The following ATG4D variants were observed in gnomAD, a reference collection of about 807,000 sequenced individuals.
The protein encoded by ATG4D is cysteine protease ATG4D.
Under a neutral mutation model 55.2 loss-of-function variants are expected in ATG4D, and 51 were observed. The observed-to-expected ratio is 0.92, with a 90% CI of 0.74 to 1.17. The LOEUF (loss-of-function observed/expected upper bound fraction) is 1.17, where lower values mean the gene tolerates loss of function less well. Among genes scored for constraint, ATG4D ranks in the 50% most tolerant of loss-of-function variants. The probability of loss-of-function intolerance (pLI) is 0.00; values close to 1 mark genes in which losing one functional copy is unlikely to be tolerated. For missense variants in ATG4D, 635 were observed against 649.6 expected, an observed-to-expected ratio of 0.98 and a Z score of 0.25; for synonymous variants, 268 against 266.2, an observed-to-expected ratio of 1.01 and a Z score of -0.07.
chr19:10,552,580 T>C (rs75523935), intron 9 of ATG4D, among the ~76,000 whole-genome samples: 4,043 of 152,326 alleles, frequency 0.027, 68 homozygotes, highest in Non-Finnish European at 0.045. Context: ...TTGGCCCTGC[T>C]GTCCGACCAG....
chr19:10,551,966 G>A lies in ATG4D; in HGVS notation c.1036G>A (p.Gly346Ser), dbSNP rs771520070. 5 of 1,612,882 alleles carry A rather than the reference G, an allele frequency of 3.1e-6. No homozygotes were observed. The highest frequency in any genetic ancestry group is 4.2e-6 in the Non-Finnish European group (5 of 1,179,734). Residue 346 changes from glycine (G) to serine (S), a missense_variant, in exon 7 of 10, where the codon GGC becomes AGC. Gly to Ser is a moderately conservative substitution (Grantham distance 56, BLOSUM62 0). Transcript: ENST00000309469. The stretch of plus-strand genomic sequence containing the variant: ...ACCGCGACACTCACTGTACTTCATT[G>A]GCTACCAAGGTAGGCCCACCCCCTC... ...GKPRHSLYFI[G>S]YQDDFLLYLD... is the part of the protein sequence containing the mutation.
At position 10,553,116 on chromosome 19, in the gene ATG4D, T is replaced by C. The variant is rs1353073512; in HGVS notation, c.*49T>C. On this transcript the variant is annotated 3_prime_UTR_variant, in exon 10 of 10. Coordinates refer to ENST00000309469, the MANE Select transcript of ATG4D (RefSeq NM_032885.6). ...ACAACACTATTTATTTTTTTATTTA[T>C]GTCATGTCGGGTGTGGGATCTTGAG... The C allele has an allele frequency of 6.6e-7, 1 of 1,523,018 alleles. No homozygotes were observed. The highest frequency in any genetic ancestry group is 1.4e-5 in the African/African-American group (1 of 72,450). 94.3% of individuals were successfully genotyped at this position (1,523,018 alleles called of 1,614,324 possible).
In ATG4D at chr19:10,551,946, G is replaced by T; in HGVS notation, c.1016G>T (p.Arg339Leu). Reference sequence around the variant, plus strand: ...CTGGGCATCATGGGTGGGAAACCGCGACACTCACTGTACTTCATTGGCTAC... The same window carrying T: ...CTGGGCATCATGGGTGGGAAACCGCTACACTCACTGTACTTCATTGGCTAC... The part of the protein sequence containing the change: ...LCLGIMGGKP[R>L]HSLYFIGYQD... Residue 339 changes from arginine (R) to leucine (L), a missense_variant, in exon 7 of 10, where the codon CGA (arginine) becomes CTA (leucine). Coordinates refer to ENST00000309469, the MANE Select transcript of ATG4D (RefSeq NM_032885.6). 6.2e-7 allele frequency: 1 copy of T among 1,613,738 alleles called. No individual in the cohort carries two copies. The highest frequency in any genetic ancestry group is 8.5e-7 in the Non-Finnish European group (1 of 1,179,964).
rs373529527 is a variant in ATG4D, at chr19:10,552,913, G to T, written c.1271G>T (p.Arg424Leu). The T allele has an allele frequency of 1.2e-6, 2 of 1,612,768 alleles. No homozygotes were observed. Among genetic ancestry groups the T allele is most frequent in the Non-Finnish European group, 1.7e-6 (2 of 1,179,672 alleles). ...RVLSSSSATE[R>L]YPMFTLAEGH... ...CTCAGCTCCTCCTCAGCCACAGAGC[G>T]GTACCCCATGTTCACCCTGGCCGAG... The change falls in exon 10 of 10, where the codon CGG becomes CTG. Residue 424 changes from arginine to leucine, a missense_variant. Arg to Leu is a moderately radical substitution (Grantham distance 102). Coordinates refer to ENST00000309469, the MANE Select transcript of ATG4D (RefSeq NM_032885.6).
Position 10,544,248 on chromosome 19 carries a change from G to C in ATG4D, c.158G>C (p.Gly53Ala). ...GASGPALGSP[G>A]AGPSEPDEVD... ...AGCGGCCCCGCTCTTGGCTCTCCCG[G>C]GGCTGGCCCGAGTGAGCCGGACGAA... is the stretch of plus-strand genomic sequence containing the variant. The change falls in exon 1 of 10, where the codon GGG (glycine) becomes GCG (alanine). Residue 53 changes from glycine (G) to alanine (A), a missense_variant. Coordinates refer to ENST00000309469, the MANE Select transcript of ATG4D (RefSeq NM_032885.6). 1 of 1,263,512 alleles carries C rather than the reference G, an allele frequency of 7.9e-7. No individual in the cohort carries two copies. 78.3% of individuals were successfully genotyped at this position (1,263,512 alleles called of 1,614,324 possible). A position where few individuals can be genotyped will look rare whatever the true frequency, so the allele number is the denominator to read the frequency against.
chr19:10,550,480 T>C (rs1170890018), intron 6 of ATG4D, among the ~76,000 whole-genome samples: 1 of 152,078 alleles, frequency 6.6e-6, no homozygotes, highest in Non-Finnish European at 1.5e-5. Flanking sequence ...CCTATGTATT[T>C]GCATCCGAAT....
Position 10,552,872 on chromosome 19 carries a change from C to G in ATG4D, c.1243-13C>G, listed in dbSNP as rs1304510365. The G allele has an allele frequency of 1.3e-5, 20 of 1,594,306 alleles. No individual in the cohort carries two copies. Among genetic ancestry groups the G allele is most frequent in the Non-Finnish European group, 1.6e-5 (19 of 1,171,914 alleles). ...ACTGTTTGTGGCTGACCCTGTCTCC[C>G]TCTTCCCGCCAGGTCCTCAGCTCCT... On this transcript the variant is annotated splice_polypyrimidine_tract_variant and intron_variant, in intron 9 of 9. Coordinates refer to ENST00000309469, the MANE Select transcript of ATG4D (RefSeq NM_032885.6).
chr19:10,551,156 C>T (rs1439488279), intron 6 of ATG4D: 1 of 152,290 alleles, frequency 6.6e-6, no homozygotes, highest in African/African-American at 2.4e-5. Flanking sequence ...ATAGTTATCA[C>T]CTCTAACACA....
Position 10,543,924 on chromosome 19 carries a change from C to T in ATG4D, c.-167C>T, listed in dbSNP as rs957580453. ...CCGGGGTCCTGGCCCGCTAAGATGG[C>T]GATGGCTGCGGTAGCAGCGGCGGCG... On this transcript the variant is annotated 5_prime_UTR_variant, in exon 1 of 10. Transcript: ENST00000309469. The T allele has an allele frequency of 1.5e-4, 64 of 413,720 alleles. No homozygotes were observed. Among genetic ancestry groups the T allele is most frequent in the Non-Finnish European group, 2.4e-4 (59 of 246,374 alleles). The allele number at this position is 413,720 out of a possible 1,614,324, so 25.6% of individuals were successfully genotyped here.
intron 1 of ATG4D, 112 bp from the exon 2 acceptor site, chr19:10,544,670 AC>A (rs1783977025): frequency 1.3e-6 from 2 of 1,529,594 alleles, no homozygotes; most frequent in South Asian, 1.3e-5. Flanking sequence ...CCCCGGAGCC[AC>A]CCCGGAGATA....
At chr19:10,549,620 G>T (rs528744260) in intron 6 of ATG4D, among the ~76,000 whole-genome samples, 1 of 151,676 alleles carries the variant, frequency 6.6e-6, no homozygotes, top group Admixed American at 6.6e-5. Context: ...GTTTCGCCAT[G>T]TTGGCCAGGC....
At chr19:10,549,466 G>A (rs12460639) in intron 6 of ATG4D, among the ~76,000 whole-genome samples, 36,112 of 151,276 alleles carry the variant, frequency 0.24, 5,320 homozygotes, top group East Asian at 0.7. Context: ...TGCCCAGGCT[G>A]GAGTGCAGTG....
Position 10,545,082 on chromosome 19 carries a change from G to A in ATG4D, c.445G>A (p.Gly149Ser). 3.1e-6 allele frequency: 5 copies of A among 1,612,928 alleles called. No homozygotes were observed. The highest frequency in any genetic ancestry group is 1.6e-4 in the Middle Eastern group (1 of 6,062). Residue 149 changes from glycine (G) to serine (S), a missense_variant, in exon 3 of 10, where the codon GGC (glycine) becomes AGC (serine). Coordinates refer to ENST00000309469, the MANE Select transcript of ATG4D (RefSeq NM_032885.6). ...DCGWGCMLRSGQMMLAQGLLL... is the reference protein window; with the variant it reads ...DCGWGCMLRSSQMMLAQGLLL... The stretch of plus-strand genomic sequence containing the variant: ...TGGCTGGGGGTGCATGTTACGCAGC[G>A]GCCAGATGATGCTGGCACAGGGCCT...
At chr19:10,552,828 C>G (rs1425295386) in intron 9 of ATG4D, 57 bp from the exon 10 acceptor site, 2 of 1,532,920 alleles carry the variant, frequency 1.3e-6, no homozygotes, top group South Asian at 1.2e-5. Flanking sequence ...TAAACCTGGG[C>G]TAAGGAATAT....
chr19:10,552,874 C>G lies in ATG4D; in HGVS notation c.1243-11C>G. ...TGTTTGTGGCTGACCCTGTCTCCCT[C>G]TTCCCGCCAGGTCCTCAGCTCCTCC... On this transcript the variant is annotated splice_polypyrimidine_tract_variant and intron_variant, in intron 9 of 9. Transcript: ENST00000309469. 1 of 1,600,688 alleles carries G rather than the reference C, an allele frequency of 6.2e-7. No individual in the cohort carries two copies. The highest frequency in any genetic ancestry group is 1.3e-5 in the African/African-American group (1 of 74,858).
At chr19:10,546,788 C>T (rs1243842457) in intron 3 of ATG4D, 51 bp from the exon 4 acceptor site, 1 of 1,507,526 alleles carries the variant, frequency 6.6e-7, no homozygotes, top group Non-Finnish European at 8.9e-7. Context: ...TAGATGGGAC[C>T]TCTGCCCCCC....
chr19:10,548,858 T>C, intron 5 of ATG4D, 46 bp from the exon 6 acceptor site: 1 of 1,603,696 alleles, frequency 6.2e-7, no homozygotes, highest in Non-Finnish European at 8.5e-7. Context: ...ACGCTGGGGC[T>C]TGAAGGGTGG....
Position 10,545,148 on chromosome 19 carries a change from A to G in ATG4D, c.493+18A>G. 6.2e-7 allele frequency: 1 copy of G among 1,605,076 alleles called. No individual in the cohort carries two copies. The highest frequency in any genetic ancestry group is 1.1e-5 in the South Asian group (1 of 91,056). ...GCCCAGAGGTGAGCCATAGGGGGGA[A>G]GGGGTGCACTAGGAGTACAGGGTCA... is the stretch of plus-strand genomic sequence containing the variant. On this transcript the variant is annotated intron_variant, in intron 3 of 9. Coordinates refer to ENST00000309469, the MANE Select transcript of ATG4D (RefSeq NM_032885.6).
At chr19:10,552,777 G>A in intron 9 of ATG4D, 108 bp from the exon 10 acceptor site, 1 of 1,198,214 alleles carries the variant, frequency 8.3e-7, no homozygotes, top group Non-Finnish European at 1.2e-6. Context: ...CTGATTGGCT[G>A]CTCTCTCCTG....
Sources: gnomAD v4.1 joint callset for allele counts (sites outside exome capture counted in the v4.1 genomes callset) on GRCh38, gnomAD v4.1.1 for gene constraint, MANE v1.5 for transcripts, NCBI Gene and HGNC (gene_info 2026-07-23, HGNC 2026-07-21) for gene names.